NCALD: variants seen among roughly 807,000 people sequenced by gnomAD.
NCALD encodes the protein neurocalcin-delta.
In NCALD, 10 loss-of-function variants were observed where a neutral mutation model predicts 18.6. The ratio of observed to expected loss-of-function variants is 0.54; its 90% confidence interval spans 0.33 to 0.91. NCALD has a LOEUF of 0.91. NCALD is among the 40% of genes least tolerant of loss of function. The pLI, the probability that NCALD is intolerant of heterozygous loss-of-function variation, is 0.03. For synonymous variants in NCALD, 88 were observed against 87.4 expected, an observed-to-expected ratio of 1.01 and a Z score of -0.04; for missense variants, 184 against 247.6, an observed-to-expected ratio of 0.74 and a Z score of 1.72.
chr8:101,969,799 C>A (rs1302061703), intron 2 of NCALD, among the ~76,000 whole-genome samples: 1 of 152,172 alleles, frequency 6.6e-6, no homozygotes, highest in Non-Finnish European at 1.5e-5. Flanking sequence ...TTTTGACTTA[C>A]AAAAACAATT....
intron 1 of NCALD, among the ~76,000 whole-genome samples, chr8:102,103,862 A>C (rs1454239393): frequency 6.6e-6 from 1 of 152,228 alleles, no homozygotes; most frequent in Non-Finnish European, 1.5e-5. Flanking sequence ...CTTAAATACA[A>C]GTTTTTAAAT....
At chr8:101,699,179 A>T (rs553170596) in intron 2 of NCALD, among the ~76,000 whole-genome samples, 2 of 152,256 alleles carry the variant, frequency 1.3e-5, no homozygotes, top group African/African-American at 2.4e-5. Flanking sequence ...GCGTATGATC[A>T]TTAGAGAAAT....
intron 2 of NCALD, among the ~76,000 whole-genome samples, chr8:101,960,612 A>G (rs1210833056): frequency 6.6e-6 from 1 of 152,174 alleles, no homozygotes; most frequent in East Asian, 1.9e-4. Flanking sequence ...GGCAAGTCAC[A>G]GAACCTCTGT....
chr8:102,064,544 A>G (rs949005554), intron 1 of NCALD, among the ~76,000 whole-genome samples: 1 of 152,078 alleles, frequency 6.6e-6, no homozygotes, highest in African/African-American at 2.4e-5. Flanking sequence ...AACATCATTC[A>G]CTCCCTTTCT....
chr8:101,837,973 T>C (rs9297313), intron 4 of NCALD, among the ~76,000 whole-genome samples: 43,767 of 152,028 alleles, frequency 0.29, 6,650 homozygotes, highest in African/African-American at 0.37. Flanking sequence ...ATGTCTATCT[T>C]ATATACCCCT....
At chr8:101,956,855 T>C (rs1694764754) in intron 2 of NCALD, among the ~76,000 whole-genome samples, 1 of 152,220 alleles carries the variant, frequency 6.6e-6, no homozygotes, top group South Asian at 2.1e-4. Context: ...AATCATGTAA[T>C]GGTTGCACTT....
chr8:101,899,645 A>AT (rs530001023), intron 3 of NCALD, among the ~76,000 whole-genome samples: 102 of 151,814 alleles, frequency 6.7e-4, no homozygotes, highest in African/African-American at 2.3e-3. Flanking sequence ...TATGATTGTG[A>AT]TTTTTTCTTT....
intron 1 of NCALD, among the ~76,000 whole-genome samples, chr8:102,069,228 T>C (rs1386262958): frequency 6.6e-6 from 1 of 152,134 alleles, no homozygotes; most frequent in Non-Finnish European, 1.5e-5. Flanking sequence ...TGTGAGGTGA[T>C]GGATATGTTC....
chr8:101,832,304 G>A (rs911314601), intron 4 of NCALD, among the ~76,000 whole-genome samples: 1 of 152,008 alleles, frequency 6.6e-6, no homozygotes, highest in African/African-American at 2.4e-5. Context: ...CCTCCTTGAG[G>A]CCTCTAACAG....
At chr8:101,763,355 C>T (rs150542992) in intron 1 of NCALD, among the ~76,000 whole-genome samples, 1 of 152,098 alleles carries the variant, frequency 6.6e-6, no homozygotes, top group African/African-American at 2.4e-5. Context: ...ACAAAATTTT[C>T]TGACAGGTTG....
At chr8:102,004,566 C>G (rs184875252) in intron 2 of NCALD, among the ~76,000 whole-genome samples, 3,534 of 152,136 alleles carry the variant, frequency 0.023, 76 homozygotes, top group Non-Finnish European at 0.038. Context: ...GAGCCCGCAT[C>G]GCCAAGTCAA....
intron 1 of NCALD, among the ~76,000 whole-genome samples, chr8:101,763,720 C>A (rs1028082091): frequency 6.6e-6 from 1 of 152,092 alleles, no homozygotes; most frequent in African/African-American, 2.4e-5. Flanking sequence ...TGACCCTCCT[C>A]CAAGTAACAG....
At chr8:101,937,198 T>G (rs552603756) in intron 2 of NCALD, among the ~76,000 whole-genome samples, 1 of 117,944 alleles carries the variant, frequency 8.5e-6, no homozygotes, top group South Asian at 3.2e-4. Context: ...TTTTTAACTT[T>G]TATTTTAGGT....
chr8:101,892,322 C>T (rs1816937361), intron 3 of NCALD, among the ~76,000 whole-genome samples: 1 of 146,620 alleles, frequency 6.8e-6, no homozygotes, highest in Non-Finnish European at 1.5e-5. Flanking sequence ...AGAAGGAAAA[C>T]TAACAAACAG....
chr8:101,833,246 G>T (rs1310915130), intron 4 of NCALD, among the ~76,000 whole-genome samples: 1 of 152,028 alleles, frequency 6.6e-6, no homozygotes, highest in East Asian at 1.9e-4. Context: ...ATAGATTTTG[G>T]GAGAGGCCTA....
chr8:101,867,108 C>T (rs1477623998), intron 4 of NCALD, among the ~76,000 whole-genome samples: 1 of 152,182 alleles, frequency 6.6e-6, no homozygotes, highest in Non-Finnish European at 1.5e-5. Flanking sequence ...GTACTTGGCA[C>T]TCCCTCGTCC....
intron 1 of NCALD, among the ~76,000 whole-genome samples, chr8:102,090,633 G>A (rs1358081865): frequency 6.6e-6 from 1 of 151,968 alleles, no homozygotes; most frequent in Non-Finnish European, 1.5e-5. Context: ...TTGTTTTCCA[G>A]AGCCAAGAAA....
intron 2 of NCALD, among the ~76,000 whole-genome samples, chr8:101,714,131 G>A (rs553809826): frequency 6.6e-6 from 1 of 152,350 alleles, no homozygotes; most frequent in African/African-American, 2.4e-5. Context: ...AGTATTGGAA[G>A]TTCTGGCCAG....
chr8:101,976,283 G>A (rs1423594514), intron 2 of NCALD, among the ~76,000 whole-genome samples: 6 of 152,132 alleles, frequency 3.9e-5, no homozygotes, highest in African/African-American at 1.2e-4. Flanking sequence ...CCATTTGAGA[G>A]TGCCTGCCAC....
Sources: allele counts gnomAD v4.1 joint callset (sites outside exome capture counted in the v4.1 genomes callset), GRCh38; gene constraint gnomAD v4.1.1; transcripts MANE v1.5; gene names NCBI Gene and HGNC (gene_info 2026-07-23, HGNC 2026-07-21).